Variants in ITGB8 observed in about 807,000 individuals in gnomAD.
ITGB8 encodes integrin beta-8.
Under a neutral mutation model 89.5 loss-of-function variants are expected in ITGB8, and 30 were observed. That is an observed-to-expected ratio of 0.34 (90% confidence interval 0.25 to 0.45). ITGB8 has a LOEUF of 0.45. Among genes scored for constraint, ITGB8 ranks in the 20% least tolerant of loss-of-function variants. The pLI is 1.00. For synonymous variants in ITGB8, 335 were observed against 320.4 expected (o/e 1.05, Z -0.49); for missense variants, 836 against 933.3 (o/e 0.90, Z 1.36).
intron 6 of ITGB8, among the ~76,000 whole-genome samples, chr7:20,382,302 G>C (rs916086291): frequency 3.9e-5 from 6 of 152,062 alleles, no homozygotes; most frequent in Non-Finnish European, 7.4e-5. Flanking sequence ...ATAGAAACCA[G>C]GGAAAAAAGA....
At chr7:20,335,990 T>C (rs1186753427) in intron 1 of ITGB8, among the ~76,000 whole-genome samples, 1 of 142,168 alleles carries the variant, frequency 7.0e-6, no homozygotes, top group East Asian at 2.2e-4. Flanking sequence ...TCTGATCCAG[T>C]CTTGGTTTTC....
At position 20,411,470 on chromosome 7, in the gene ITGB8, T is replaced by C. The variant is rs1321247059; in HGVS notation, c.*1473T>C. The C allele has an allele frequency of 6.6e-6, 1 of 152,578 alleles. No individual in the cohort carries two copies. 9.5% of individuals were successfully genotyped at this position (152,578 alleles called of 1,614,324 possible). On this transcript the variant is annotated 3_prime_UTR_variant, in exon 14 of 14. Transcript: ENST00000222573. ...ATGCCAGGCTGCTAATTCTCCTTTTTAGTGAGTTAGGGAACTGAGCCTCAG... is the reference window on the plus strand; with the variant it reads ...ATGCCAGGCTGCTAATTCTCCTTTTCAGTGAGTTAGGGAACTGAGCCTCAG...
chr7:20,400,842 G>A (rs3807950), intron 9 of ITGB8, among the ~76,000 whole-genome samples: 126,381 of 152,146 alleles, frequency 0.83, 52,802 homozygotes, highest in African/African-American at 0.9. Context: ...CATCAGAGAA[G>A]GCCACAGGTT....
intron 10 of ITGB8, 27 bp from the exon 11 acceptor site, chr7:20,404,601 A>G: frequency 3.1e-6 from 5 of 1,587,772 alleles, no homozygotes; most frequent in Non-Finnish European, 3.4e-6. Flanking sequence ...TCCAGATAAC[A>G]TAGGTCCTGC....
rs202110087 is a variant in ITGB8, at chr7:20,363,693, G to C, written c.184G>C (p.Gly62Arg). The C allele has an allele frequency of 4.4e-6, 7 of 1,604,476 alleles. No homozygotes were observed. The highest frequency in any genetic ancestry group is 5.9e-6 in the Non-Finnish European group (7 of 1,177,206). ...ATCCTGTGCCAGGTGCCTTGCGCTG[G>C]GTCCAGAATGTGGATGGTGTGTTCA... The part of the protein sequence containing the change: ...AASCARCLAL[G>R]PECGWCVQED... The change falls in exon 2 of 14, where the codon GGT (glycine) becomes CGT (arginine). Residue 62 changes from glycine to arginine, a missense_variant. Gly to Arg is a moderately radical substitution (Grantham distance 125). Coordinates refer to ENST00000222573, the MANE Select transcript of ITGB8 (RefSeq NM_002214.3).
At chr7:20,356,391 C>G (rs929012911) in intron 1 of ITGB8, among the ~76,000 whole-genome samples, 1 of 152,214 alleles carries the variant, frequency 6.6e-6, no homozygotes, top group East Asian at 1.9e-4. Flanking sequence ...ATTTACATGA[C>G]TATGATATGT....
intron 1 of ITGB8, among the ~76,000 whole-genome samples, chr7:20,337,476 T>G (rs1784614590): frequency 6.6e-6 from 1 of 152,200 alleles, no homozygotes; most frequent in Non-Finnish European, 1.5e-5. Flanking sequence ...TTGTGTATTA[T>G]TTACTGTAGG....
intron 1 of ITGB8, among the ~76,000 whole-genome samples, chr7:20,341,009 T>G (rs1184281680): frequency 6.6e-6 from 1 of 152,232 alleles, no homozygotes; most frequent in African/African-American, 2.4e-5. Flanking sequence ...ATTCATTGAC[T>G]GCAATAGAAC....
In ITGB8 at chr7:20,410,236, C is replaced by T. The variant is rs1017264554; in HGVS notation, c.*239C>T. ...AGACTAGTGTCGTTGTAGCACTTTA[C>T]TGTAATATATAACTTATTTAGATCA... is the stretch of plus-strand genomic sequence containing the variant. On this transcript the variant is annotated 3_prime_UTR_variant, in exon 14 of 14. Transcript: ENST00000222573. 1 of 460,842 alleles carries T rather than the reference C, an allele frequency of 2.2e-6. No homozygotes were observed. Among genetic ancestry groups the T allele is most frequent in the African/African-American group, 2.0e-5 (1 of 50,442 alleles). The allele number at this position is 460,842 out of a possible 1,614,324, so 28.5% of individuals were successfully genotyped here.
intron 6 of ITGB8, among the ~76,000 whole-genome samples, chr7:20,388,522 T>C (rs376148741): frequency 1.1e-4 from 16 of 152,332 alleles, no homozygotes; most frequent in South Asian, 1.0e-3. Context: ...CTGTTATACA[T>C]TTGTAATTTT....
chr7:20,406,018 C>T lies in ITGB8; in HGVS notation c.1914-44C>T, dbSNP rs112119613. ...TTGCAGAAAATATTATAGTCCACCA[C>T]CTTTTTAAAGAATAAATATTTTCAC... On this transcript the variant is annotated intron_variant, in intron 11 of 13. Coordinates refer to ENST00000222573, the MANE Select transcript of ITGB8 (RefSeq NM_002214.3). 8.2e-5 allele frequency: 94 copies of T among 1,152,834 alleles called. No homozygotes were observed. In the African/African-American group the frequency reaches 9.7e-4, roughly 12 times the overall value. The allele number at this position is 1,152,834 out of a possible 1,614,324, so 71.4% of individuals were successfully genotyped here.
intron 10 of ITGB8, among the ~76,000 whole-genome samples, chr7:20,403,546 C>T (rs923196047): frequency 2.0e-5 from 3 of 152,196 alleles, no homozygotes; most frequent in South Asian, 4.1e-4. Context: ...CACATGTTCA[C>T]AGGCCTGCTG....
chr7:20,346,762 T>A (rs957857774), intron 1 of ITGB8: 2 of 985,058 alleles, frequency 2.0e-6, no homozygotes, highest in Admixed American at 1.2e-4. Flanking sequence ...CACCTGACGA[T>A]TATACCTGAA....
intron 1 of ITGB8, chr7:20,346,806 T>C (rs772399620): frequency 2.5e-4 from 244 of 985,256 alleles, no homozygotes; most frequent in Non-Finnish European, 2.8e-4. Context: ...GGCATGTACA[T>C]TGACCATGAC....
Position 20,352,978 on chromosome 7 carries a change from C to G in ITGB8, c.128-10659C>G, listed in dbSNP as rs183556634. 3 of 152,294 alleles carry G rather than the reference C, an allele frequency of 2.0e-5. No individual in the cohort carries two copies. The East Asian group carries it at 5.8e-4, about 29-fold the overall frequency. 9.4% of individuals were successfully genotyped at this position (152,294 alleles called of 1,614,324 possible). ...TCATAATAAAAAGTTCTAGTATGAT[C>G]CCATCTGACTGGGCTTCTTGTGATG... On this transcript the variant is annotated intron_variant, in intron 1 of 13. Coordinates refer to ENST00000222573, the MANE Select transcript of ITGB8 (RefSeq NM_002214.3).
At chr7:20,346,603 G>T (rs901114754) in intron 1 of ITGB8, 78 of 543,616 alleles carry the variant, frequency 1.4e-4, no homozygotes, top group Admixed American at 1.1e-3. Flanking sequence ...AGGGAAGGAA[G>T]AGACAAGGTC....
chr7:20,376,248 T>C (rs1404712819), intron 3 of ITGB8, among the ~76,000 whole-genome samples: 10 of 152,200 alleles, frequency 6.6e-5, no homozygotes, highest in African/African-American at 1.7e-4. Context: ...GTACTAACTC[T>C]GAAACCACTG....
At position 20,405,386 on chromosome 7, in the gene ITGB8, C is replaced by T. The variant is rs530742130; in HGVS notation, c.1913+533C>T. ...CCGGCTGGAGTGCAGTGACATGTCA[C>T]TGCAAGCTCCGCCTCCCGGGTTCAC... On this transcript the variant is annotated intron_variant, in intron 11 of 13. Transcript: ENST00000222573. Among the ~76,000 whole-genome samples the T allele has an allele frequency of 4.7e-5, 7 of 150,414 alleles. No homozygotes were observed. In the South Asian group the frequency reaches 1.5e-3, roughly 31 times the overall value.
intron 8 of ITGB8, 33 bp downstream of exon 8, chr7:20,395,018 A>C (rs1412542695): frequency 7.6e-7 from 1 of 1,315,472 alleles, no homozygotes; most frequent in Non-Finnish European, 1.1e-6. Flanking sequence ...TTTTTAAATA[A>C]AATTTTTACC....
Sources: gnomAD v4.1 joint callset for allele counts (sites outside exome capture counted in the v4.1 genomes callset) on GRCh38, gnomAD v4.1.1 for gene constraint, MANE v1.5 for transcripts, NCBI Gene and HGNC (gene_info 2026-07-23, HGNC 2026-07-21) for gene names.